Variants in PLCL2 observed in about 807,000 individuals in gnomAD.
PLCL2 encodes phospholipase C like 2.
A neutral mutation model predicts 79.6 loss-of-function variants in PLCL2; 4 were observed. That is an observed-to-expected ratio of 0.05 (90% confidence interval 0.02 to 0.11). The LOEUF is 0.11. PLCL2 is among the 10% of genes least tolerant of loss of function. PLCL2 has a pLI of 1.00. For missense variants in PLCL2, 895 were observed against 1,291.0 expected (o/e 0.69, Z 4.70); for synonymous variants, 484 against 457.7 (o/e 1.06, Z -0.73).
chr3:16,893,576 C>G (rs1696400927), intron 1 of PLCL2, among the ~76,000 whole-genome samples: 1 of 152,030 alleles, frequency 6.6e-6, no homozygotes, highest in Admixed American at 6.6e-5. Context: ...ATGTAAAATT[C>G]TTTTGTAGTT....
chr3:17,079,837 G>A (rs1257437084), intron 5 of PLCL2, among the ~76,000 whole-genome samples: 2 of 152,128 alleles, frequency 1.3e-5, no homozygotes, highest in African/African-American at 4.8e-5. Context: ...CCCAAATATA[G>A]GCAAAAAGTG....
intron 1 of PLCL2, among the ~76,000 whole-genome samples, chr3:16,985,187 C>T (rs1575571379): frequency 6.6e-6 from 1 of 152,058 alleles, no homozygotes; most frequent in Non-Finnish European, 1.5e-5. Flanking sequence ...GAAGCATTCT[C>T]TGAATTTTAA....
intron 3 of PLCL2, among the ~76,000 whole-genome samples, chr3:17,021,362 T>A (rs562568442): frequency 6.6e-5 from 10 of 152,056 alleles, no homozygotes; most frequent in Admixed American, 4.6e-4. Flanking sequence ...CCAGTGGAAG[T>A]GAAAATAAAT....
At chr3:16,931,743 C>T (rs888157795) in intron 1 of PLCL2, among the ~76,000 whole-genome samples, 1 of 152,138 alleles carries the variant, frequency 6.6e-6, no homozygotes, top group African/African-American at 2.4e-5. Flanking sequence ...TAACACCTCC[C>T]TGACAAGGTT....
At chr3:16,897,264 T>C (rs1448368172) in intron 1 of PLCL2, among the ~76,000 whole-genome samples, 2 of 151,976 alleles carry the variant, frequency 1.3e-5, no homozygotes, top group Non-Finnish European at 2.9e-5. Context: ...CCTATGTGTC[T>C]TTTTTTGATC....
At chr3:16,918,717 G>C (rs1397772946) in intron 1 of PLCL2, among the ~76,000 whole-genome samples, 1 of 152,162 alleles carries the variant, frequency 6.6e-6, no homozygotes, top group Non-Finnish European at 1.5e-5. Context: ...CCTGGGCAAG[G>C]ACTTGACTTT....
At position 16,970,210 on chromosome 3, in the gene PLCL2, C is replaced by G. The variant is rs192620917; in HGVS notation, c.328-39464C>G. On this transcript the variant is annotated intron_variant, in intron 1 of 5. Transcript: ENST00000615277. ...ATATCGCCTAATGCTATCTCTCCCC[C>G]CTCCCCCCAGCCCACAACAGTCCCC... 7.1e-3 allele frequency among the ~76,000 whole-genome samples: 1,079 copies of G among 151,856 alleles called. 7 individuals carry two copies. The highest frequency in any genetic ancestry group is 0.022 in the African/African-American group (898 of 41,380).
At position 16,885,185 on chromosome 3, in the gene PLCL2, A is replaced by G. The variant is rs1434586864; in HGVS notation, c.146A>G (p.Tyr49Cys). The G allele has an allele frequency of 2.5e-5, 15 of 603,572 alleles. No homozygotes were observed. The highest frequency in any genetic ancestry group is 3.0e-4 in the Middle Eastern group (1 of 3,324). 37.4% of individuals were successfully genotyped at this position (603,572 alleles called of 1,614,324 possible). ...GGRLGHGRAR[Y>C]DSGGVSNGDC... is the part of the protein sequence containing the mutation. Reference sequence around the variant, plus strand: ...CGCCTCGGCCACGGGCGGGCGCGCTATGACAGCGGCGGGGTTTCCAACGGA... The same window carrying G: ...CGCCTCGGCCACGGGCGGGCGCGCTGTGACAGCGGCGGGGTTTCCAACGGA... Residue 49 changes from tyrosine (Y) to cysteine (C), a missense_variant, in exon 1 of 6, where the codon TAT becomes TGT. Coordinates refer to ENST00000615277, the MANE Select transcript of PLCL2 (RefSeq NM_001144382.2).
At chr3:17,026,803 G>T (rs1249654012) in intron 3 of PLCL2, among the ~76,000 whole-genome samples, 1 of 151,986 alleles carries the variant, frequency 6.6e-6, no homozygotes, top group African/African-American at 2.4e-5. Context: ...GGAGGCAGAG[G>T]TTGCAGTGAG....
intron 5 of PLCL2, among the ~76,000 whole-genome samples, chr3:17,083,717 AC>A (rs1270179448): frequency 6.6e-6 from 1 of 152,184 alleles, no homozygotes; most frequent in Admixed American, 6.5e-5. Context: ...TGACACTAGG[AC>A]CTACTGACAG....
At chr3:17,087,984 T>C (rs1331723191) in intron 5 of PLCL2, among the ~76,000 whole-genome samples, 5 of 152,108 alleles carry the variant, frequency 3.3e-5, no homozygotes, top group African/African-American at 9.7e-5. Context: ...ACCTCATAAC[T>C]AGTAAATTTT....
intron 1 of PLCL2, among the ~76,000 whole-genome samples, chr3:16,956,059 C>T (rs1434200223): frequency 2.6e-5 from 4 of 152,152 alleles, no homozygotes; most frequent in Non-Finnish European, 1.5e-5. Flanking sequence ...GAACTTCCAA[C>T]ACTATGTTGA....
At chr3:17,039,504 A>G (rs1028627680) in intron 3 of PLCL2, among the ~76,000 whole-genome samples, 3 of 152,268 alleles carry the variant, frequency 2.0e-5, no homozygotes, top group African/African-American at 4.8e-5. Flanking sequence ...AACAAGAACT[A>G]TGAACTGTTA....
At chr3:16,964,091 T>A (rs1430578395) in intron 1 of PLCL2, among the ~76,000 whole-genome samples, 1 of 152,166 alleles carries the variant, frequency 6.6e-6, no homozygotes, top group Non-Finnish European at 1.5e-5. Context: ...GTTACATATG[T>A]ATGCATGTGC....
intron 3 of PLCL2, among the ~76,000 whole-genome samples, chr3:17,028,320 G>A (rs1386445021): frequency 6.6e-6 from 1 of 152,126 alleles, no homozygotes; most frequent in East Asian, 1.9e-4. Flanking sequence ...AGTGCTTGAG[G>A]TGGAGACTAA....
chr3:17,089,981 C>T lies in PLCL2; in HGVS notation c.*69C>T. ...CAATTGTAGTCAGATGGGACATTTG[C>T]TTTGCACTCACTAATGAGAATAATA... On this transcript the variant is annotated 3_prime_UTR_variant, in exon 6 of 6. Coordinates refer to ENST00000615277, the MANE Select transcript of PLCL2 (RefSeq NM_001144382.2). 2 of 1,510,200 alleles carry T rather than the reference C, an allele frequency of 1.3e-6. No individual in the cohort carries two copies. Among genetic ancestry groups the T allele is most frequent in the Non-Finnish European group, 1.8e-6 (2 of 1,128,324 alleles). The allele number at this position is 1,510,200 out of a possible 1,614,324, so 93.5% of individuals were successfully genotyped here. A position where few individuals can be genotyped will look rare whatever the true frequency, so the allele number is the denominator to read the frequency against.
intron 1 of PLCL2, among the ~76,000 whole-genome samples, chr3:16,980,253 C>T (rs533786257): frequency 0.011 from 1,579 of 137,494 alleles, 34 homozygotes; most frequent in African/African-American, 0.041. Flanking sequence ...CCGGATGGGG[C>T]GGCTGGCCGG....
chr3:16,994,295 C>G (rs1225719398), intron 1 of PLCL2, among the ~76,000 whole-genome samples: 3 of 152,094 alleles, frequency 2.0e-5, no homozygotes, highest in African/African-American at 4.8e-5. Flanking sequence ...AGATTAATCA[C>G]TTGAGTCTTC....
Position 16,955,435 on chromosome 3 carries a change from A to G in PLCL2, c.328-54239A>G, listed in dbSNP as rs372436018. Among the ~76,000 whole-genome samples the G allele has an allele frequency of 1.5e-3, 228 of 149,342 alleles. 3 individuals are homozygous for G. The highest frequency in any genetic ancestry group is 0.013 in the Admixed American group (191 of 14,946). ...ATGCTGTTTTGGTTACTGTAGCCTT[A>G]TAGTATAGTTTGAAGTCAGGTAGCG... On this transcript the variant is annotated intron_variant, in intron 1 of 5. Coordinates refer to ENST00000615277, the MANE Select transcript of PLCL2 (RefSeq NM_001144382.2).
Sources: gnomAD v4.1 joint callset for allele counts (sites outside exome capture counted in the v4.1 genomes callset) on GRCh38, gnomAD v4.1.1 for gene constraint, MANE v1.5 for transcripts, NCBI Gene and HGNC (gene_info 2026-07-23, HGNC 2026-07-21) for gene names.